Variants in MSTO1 observed in about 807,000 individuals in gnomAD.
The protein encoded by MSTO1 is protein misato homolog 1.
A neutral mutation model predicts 55.7 loss-of-function variants in MSTO1; 24 were observed. The ratio of observed to expected loss-of-function variants is 0.43; its 90% CI spans 0.31 to 0.61. MSTO1 has a LOEUF of 0.61. MSTO1 is among the 20% of genes least tolerant of loss of function. The pLI is 0.09. For synonymous variants in MSTO1, 162 were observed against 252.8 expected, an observed-to-expected ratio of 0.64 and a Z score of 3.41; for missense variants, 363 against 625.7, an observed-to-expected ratio of 0.58 and a Z score of 4.48.
chr1:155,595,175 TG>T, the MSTO1 span, among the ~76,000 whole-genome samples: 18 of 142,028 alleles, frequency 1.3e-4, no homozygotes, highest in South Asian at 1.1e-3. Context: ...TCAGGTTTGT[TG>T]TTTTTTTTTT....
At chr1:155,603,187 A>C in the MSTO1 span, among the ~76,000 whole-genome samples, 8 of 152,180 alleles carry the variant, frequency 5.3e-5, no homozygotes, top group South Asian at 1.7e-3. Flanking sequence ...CAACATGGTG[A>C]AACCCCATCT....
the MSTO1 span, chr1:155,591,087 A>G: frequency 6.2e-7 from 1 of 1,613,646 alleles, no homozygotes. Flanking sequence ...GCATCTGGCT[A>G]GTGCTCTGCA....
At chr1:155,604,327 G>T in the MSTO1 span, among the ~76,000 whole-genome samples, 268 of 152,160 alleles carry the variant, frequency 1.8e-3, 1 homozygote, top group African/African-American at 6.2e-3. Flanking sequence ...ACTGACAATG[G>T]ACCATAAACC....
the MSTO1 span, among the ~76,000 whole-genome samples, chr1:155,565,398 A>G: frequency 6.6e-6 from 1 of 152,184 alleles, no homozygotes; most frequent in Non-Finnish European, 1.5e-5. Context: ...CTACTGTGCC[A>G]GGGGAACACG....
chr1:155,594,499 A>G, the MSTO1 span, among the ~76,000 whole-genome samples: 1 of 152,218 alleles, frequency 6.6e-6, no homozygotes. Flanking sequence ...ATGTTTTAGC[A>G]TGGTCCTATG....
the MSTO1 span, chr1:155,601,971 G>A: frequency 2.8e-6 from 1 of 360,068 alleles, no homozygotes; most frequent in African/African-American, 2.2e-5. Context: ...AGCCAGGATG[G>A]TCTCGATCTC....
the MSTO1 span, among the ~76,000 whole-genome samples, chr1:155,569,770 T>C: frequency 1.3e-5 from 2 of 151,676 alleles, no homozygotes; most frequent in Admixed American, 1.3e-4. Context: ...TTTTTTTAGG[T>C]TTTTTTTACG....
upstream of MSTO1, among the ~76,000 whole-genome samples, chr1:155,605,356 G>A (rs145994161): frequency 2.6e-5 from 4 of 152,296 alleles, no homozygotes; most frequent in East Asian, 7.7e-4. Context: ...CAGTTTAAAT[G>A]AGTTCACCAT....
the MSTO1 span, among the ~76,000 whole-genome samples, chr1:155,565,143 AAAAAT>A: frequency 6.6e-6 from 1 of 151,798 alleles, no homozygotes; most frequent in African/African-American, 2.4e-5. Flanking sequence ...AAAATCCAAA[AAAAAT>A]CAGGTGGGCA....
At chr1:155,582,422 G>C in the MSTO1 span, among the ~76,000 whole-genome samples, 1 of 152,108 alleles carries the variant, frequency 6.6e-6, no homozygotes, top group African/African-American at 2.4e-5. Context: ...CTTTTGTGTT[G>C]ATTTGGCTTG....
At chr1:155,610,063 C>G, upstream of MSTO1, 1 of 626,248 alleles carries the variant, frequency 1.6e-6, no homozygotes, top group Non-Finnish European at 2.7e-6. Context: ...CACAGAGAAG[C>G]CGGACTGGGC....
the MSTO1 span, among the ~76,000 whole-genome samples, chr1:155,578,828 G>GTTT: frequency 2.7e-5 from 3 of 112,956 alleles, no homozygotes; most frequent in Non-Finnish European, 3.7e-5. Flanking sequence ...TTTTTTTTTT[G>GTTT]TTTTTTTTTT....
upstream of MSTO1, among the ~76,000 whole-genome samples, chr1:155,605,615 A>C (rs116559350): frequency 2.1e-3 from 313 of 152,282 alleles, 1 homozygote; most frequent in African/African-American, 6.9e-3. Flanking sequence ...CAGCTTGAGC[A>C]ACATAGACCT....
the MSTO1 span, chr1:155,586,688 C>A: frequency 1.9e-6 from 1 of 518,372 alleles, no homozygotes; most frequent in South Asian, 1.4e-5. Flanking sequence ...CAAGGCTTAT[C>A]TCTAGGATCC....
At chr1:155,598,797 GT>G in the MSTO1 span, 1 of 1,140,880 alleles carries the variant, frequency 8.8e-7, no homozygotes, top group Non-Finnish European at 1.3e-6. Flanking sequence ...TTGTAGTCAC[GT>G]TTTCTTTAAC....
chr1:155,572,812 G>A, the MSTO1 span, among the ~76,000 whole-genome samples: 1 of 151,922 alleles, frequency 6.6e-6, no homozygotes, highest in African/African-American at 2.4e-5. Context: ...CACCACGTCT[G>A]GCTAATTTTG....
the MSTO1 span, chr1:155,591,074 A>G: frequency 3.1e-6 from 5 of 1,613,638 alleles, no homozygotes; most frequent in Non-Finnish European, 4.2e-6. Context: ...TACACCTTGC[A>G]CTGCATCTGG....
chr1:155,576,319 T>A, the MSTO1 span, among the ~76,000 whole-genome samples: 1 of 152,038 alleles, frequency 6.6e-6, no homozygotes, highest in Non-Finnish European at 1.5e-5. Flanking sequence ...TTTTTTTGTT[T>A]TGTTCTGTTT....
At chr1:155,609,827 G>A (rs1448836380), upstream of MSTO1, 1 of 211,536 alleles carries the variant, frequency 4.7e-6, no homozygotes, top group African/African-American at 2.4e-5. Context: ...GGAGGCTTTA[G>A]GGGAGCTTCC....
Sources: gnomAD v4.1 joint callset for allele counts (sites outside exome capture counted in the v4.1 genomes callset) on GRCh38, gnomAD v4.1.1 for gene constraint, MANE v1.5 for transcripts, NCBI Gene and HGNC (gene_info 2026-07-23, HGNC 2026-07-21) for gene names.